Variants in CCDC77 observed in about 807,000 individuals in gnomAD.
CCDC77 encodes the protein coiled-coil domain-containing protein 77.
CCDC77 carries 56 observed loss-of-function variants against 66.8 expected under a neutral mutation model. That is an observed-to-expected ratio of 0.84 (90% CI 0.68 to 1.05). The LOEUF is 1.05. Ranked by LOEUF, CCDC77 falls within the 50% of genes least tolerant of loss-of-function variation. The pLI is 0.00. For synonymous variants in CCDC77, 196 were observed against 195.2 expected (o/e 1.00, Z -0.03); for missense variants, 570 against 576.8 (o/e 0.99, Z 0.12).
At chr12:436,115 C>CTTTTTTTTT (rs1181059309) in intron 9 of CCDC77, among the ~76,000 whole-genome samples, 1 of 106,134 alleles carries the variant, frequency 9.4e-6, no homozygotes, top group Admixed American at 1.2e-4. Context: ...GATCCTTTGT[C>CTTTTTTTTT]TTTTTTTTTT....
chr12:436,940 CTTGTGGTAATTGAATCAA>C (rs1266128744), intron 9 of CCDC77: 1 of 166,772 alleles, frequency 6.0e-6, no homozygotes, highest in Non-Finnish European at 1.2e-5. Context: ...GAGAGAGACC[CTTGTGGTAATTGAATCAA>C]TCTCTCTCTA....
In CCDC77 at chr12:418,516, A is replaced by G. The variant is rs138940892; in HGVS notation, c.293A>G (p.Gln98Arg). The G allele has an allele frequency of 1.3e-4, 209 of 1,614,134 alleles. 1 individual carries two copies. The African/African-American group carries it at 2.7e-3, about 21-fold the overall frequency. The change falls in exon 5 of 13, where the codon CAG becomes CGG. Residue 98 changes from glutamine to arginine, a missense_variant. Gln to Arg is a conservative substitution (Grantham distance 43). Transcript: ENST00000239830. The stretch of plus-strand genomic sequence containing the variant: ...CAGCATAAACTTGAATGTGATTTGC[A>G]GCAGAGGGAGGAAGAGATTGCTGAA... Reference protein sequence around the residue: ...EGQHKLECDLQQREEEIAELQ... With the variant: ...EGQHKLECDLRQREEEIAELQ...
chr12:441,193 G>A (rs943382585), intron 12 of CCDC77, among the ~76,000 whole-genome samples, 197 bp downstream of exon 12: 6 of 152,278 alleles, frequency 3.9e-5, no homozygotes, highest in East Asian at 1.9e-4. Context: ...ATCATTGAAC[G>A]ACTGCATCAT....
intron 6 of CCDC77, among the ~76,000 whole-genome samples, chr12:430,133 A>G (rs1945623678): frequency 6.6e-6 from 1 of 152,054 alleles, no homozygotes; most frequent in African/African-American, 2.4e-5. Flanking sequence ...AGCTGGGATT[A>G]CAGGCATGTG....
intron 1 of CCDC77, 107 bp from the exon 2 acceptor site, chr12:405,404 T>G (rs2137536739): frequency 6.6e-6 from 1 of 152,344 alleles, no homozygotes; most frequent in East Asian, 1.9e-4. Flanking sequence ...GAATTTACAC[T>G]TTGAATGAGT....
chr12:414,653 G>A (rs1428960743), intron 4 of CCDC77, among the ~76,000 whole-genome samples: 1 of 151,586 alleles, frequency 6.6e-6, no homozygotes, highest in Non-Finnish European at 1.5e-5. Context: ...CCACCATTTC[G>A]CCTTCCTCCG....
Position 441,970 on chromosome 12 carries a change from A to G in CCDC77, c.*50A>G. The G allele has an allele frequency of 6.3e-7, 1 of 1,595,550 alleles. No individual in the cohort carries two copies. Among genetic ancestry groups the G allele is most frequent in the Non-Finnish European group, 8.6e-7 (1 of 1,165,762 alleles). Reference sequence around the variant, plus strand: ...ATTTAGAAGAGGTGTGCTTCTTGAAACCTGAGGACAAGGTCATCTGCTGCC... The same window carrying G: ...ATTTAGAAGAGGTGTGCTTCTTGAAGCCTGAGGACAAGGTCATCTGCTGCC... On this transcript the variant is annotated 3_prime_UTR_variant, in exon 13 of 13. Coordinates refer to ENST00000239830, the MANE Select transcript of CCDC77 (RefSeq NM_032358.4).
exon 1 of CCDC77, chr12:389,353 C>A: frequency 1.6e-6 from 1 of 616,294 alleles, no homozygotes. Flanking sequence ...AAACGGAATC[C>A]TTCCGCAGCT....
chr12:425,953 C>T (rs1224985824), intron 5 of CCDC77, among the ~76,000 whole-genome samples: 1 of 152,204 alleles, frequency 6.6e-6, no homozygotes. Context: ...CAACCTCCGC[C>T]TCCCAGATTG....
intron 3 of CCDC77, among the ~76,000 whole-genome samples, chr12:410,105 ATC>A (rs1467706226): frequency 5.9e-5 from 9 of 152,162 alleles, no homozygotes; most frequent in African/African-American, 2.2e-4. Flanking sequence ...AGATTTTAAT[ATC>A]TCTGCATGCT....
upstream of CCDC77, among the ~76,000 whole-genome samples, chr12:401,248 T>C (rs1162654940): frequency 6.6e-6 from 1 of 152,180 alleles, no homozygotes; most frequent in African/African-American, 2.4e-5. Context: ...GAAGAAACTT[T>C]TCTTAGAATC....
At chr12:433,900 G>T (rs556804311) in intron 9 of CCDC77, among the ~76,000 whole-genome samples, 3 of 152,182 alleles carry the variant, frequency 2.0e-5, no homozygotes, top group Non-Finnish European at 4.4e-5. Context: ...CTAACAGATT[G>T]AGTTGGTGTA....
intron 6 of CCDC77, among the ~76,000 whole-genome samples, chr12:429,940 G>C (rs1945618411): frequency 6.6e-6 from 1 of 151,980 alleles, no homozygotes; most frequent in African/African-American, 2.4e-5. Flanking sequence ...TTTTGTTTTT[G>C]TTTTTAATCA....
intron 4 of CCDC77, among the ~76,000 whole-genome samples, chr12:416,393 A>ATATG (rs1945279909): frequency 1.9e-5 from 1 of 52,486 alleles, no homozygotes; most frequent in Non-Finnish European, 3.7e-5. Context: ...ATATATATAT[A>ATATG]TATATATATA....
intron 2 of CCDC77, among the ~76,000 whole-genome samples, chr12:407,255 T>TC (rs1642716628): frequency 6.6e-6 from 1 of 152,164 alleles, no homozygotes; most frequent in Non-Finnish European, 1.5e-5. Context: ...TGCTAATGGG[T>TC]CGTGTGTGGC....
At chr12:425,857 T>G (rs187152677) in intron 5 of CCDC77, among the ~76,000 whole-genome samples, 3 of 152,088 alleles carry the variant, frequency 2.0e-5, no homozygotes, top group Non-Finnish European at 4.4e-5. Context: ...TTTTTTTTGT[T>G]TTTGTTTGTT....
chr12:406,435 C>T (rs999264675), intron 2 of CCDC77, among the ~76,000 whole-genome samples: 3 of 152,008 alleles, frequency 2.0e-5, no homozygotes, highest in African/African-American at 4.8e-5. Flanking sequence ...GCCAAGAGGC[C>T]GGTGTTTTTA....
chr12:441,504 C>T (rs573838079), intron 12 of CCDC77, among the ~76,000 whole-genome samples: 1 of 152,250 alleles, frequency 6.6e-6, no homozygotes, highest in Admixed American at 6.5e-5. Context: ...CCAGTAGTGT[C>T]GCTTATCCTG....
intron 12 of CCDC77, 97 bp downstream of exon 12, chr12:441,093 C>T: frequency 7.7e-7 from 1 of 1,301,030 alleles, no homozygotes; most frequent in Non-Finnish European, 1.1e-6. Context: ...TGCTGTTTCC[C>T]TGCTGGTAAA....
Sources: allele counts gnomAD v4.1 joint callset (sites outside exome capture counted in the v4.1 genomes callset), GRCh38; gene constraint gnomAD v4.1.1; transcripts MANE v1.5; gene names NCBI Gene and HGNC (gene_info 2026-07-23, HGNC 2026-07-21).